The following FCHSD2 variants were observed in gnomAD, a reference collection of about 807,000 sequenced individuals.
The protein encoded by FCHSD2 is FCH and double SH3 domains 2, also known as F-BAR and double SH3 domains protein 2.
In FCHSD2, 38 loss-of-function variants were observed where a neutral mutation model predicts 108.1. That is an observed-to-expected ratio of 0.35 (90% CI 0.27 to 0.46). FCHSD2 has a LOEUF of 0.46. FCHSD2 is among the 20% of genes least tolerant of loss of function. The probability of loss-of-function intolerance (pLI) is 1.00; values close to 1 mark genes in which losing one functional copy is unlikely to be tolerated. For missense variants in FCHSD2, 751 were observed against 897.8 expected (o/e 0.84, Z 2.09); for synonymous variants, 279 against 314.7 (o/e 0.89, Z 1.20).
At position 72,891,048 on chromosome 11, in the gene FCHSD2, C is replaced by G. The variant is rs548216744; in HGVS notation, c.925-1103G>C. On this transcript the variant is annotated intron_variant, in intron 10 of 19. Transcript: ENST00000409418. ...TCTCCCACTTCAGCCTCCTGAGTAGCTGGAACTACAGGTGTGTGTCACCAT... is the reference window on the plus strand; with the variant it reads ...TCTCCCACTTCAGCCTCCTGAGTAGGTGGAACTACAGGTGTGTGTCACCAT... 1.4e-4 allele frequency among the ~76,000 whole-genome samples: 22 copies of G among 152,234 alleles called. No individual in the cohort carries two copies. In the South Asian group the frequency reaches 2.1e-3, roughly 14 times the overall value.
At chr11:73,067,489 G>A (rs1859324447) in intron 3 of FCHSD2, among the ~76,000 whole-genome samples, 1 of 151,124 alleles carries the variant, frequency 6.6e-6, no homozygotes, top group Non-Finnish European at 1.5e-5. Context: ...AAAAAAAAAA[G>A]AAAGAAAGAA....
intron 5 of FCHSD2, among the ~76,000 whole-genome samples, chr11:72,994,836 A>G (rs188403376): frequency 6.6e-6 from 1 of 152,330 alleles, no homozygotes; most frequent in East Asian, 1.9e-4. Context: ...AAAAGCTTTT[A>G]AAAAATTGAC....
At chr11:73,109,746 T>C (rs921857256) in intron 2 of FCHSD2, among the ~76,000 whole-genome samples, 10 of 152,166 alleles carry the variant, frequency 6.6e-5, no homozygotes, top group African/African-American at 2.4e-4. Flanking sequence ...TGAGTAACAG[T>C]AGTGACAGTG....
At chr11:73,131,634 G>A (rs1461579267) in intron 2 of FCHSD2, among the ~76,000 whole-genome samples, 1 of 151,520 alleles carries the variant, frequency 6.6e-6, no homozygotes, top group African/African-American at 2.4e-5. Flanking sequence ...AGTCTGGAAG[G>A]CAGAGGTTGC....
chr11:73,138,811 T>C (rs777915348), intron 2 of FCHSD2, among the ~76,000 whole-genome samples: 20 of 152,134 alleles, frequency 1.3e-4, no homozygotes, highest in African/African-American at 4.1e-4. Context: ...TTTTATCATG[T>C]TGGCCAGGCT....
At chr11:73,033,353 T>C (rs1428090626) in intron 3 of FCHSD2, among the ~76,000 whole-genome samples, 2 of 151,756 alleles carry the variant, frequency 1.3e-5, no homozygotes, top group East Asian at 3.9e-4. Flanking sequence ...ACTCTAGTCC[T>C]GTCCAAAGAT....
chr11:72,887,562 G>C lies in FCHSD2; in HGVS notation c.1054C>G (p.Leu352Val). 2 of 1,580,610 alleles carry C rather than the reference G, an allele frequency of 1.3e-6. No homozygotes were observed. The highest frequency in any genetic ancestry group is 1.7e-6 in the Non-Finnish European group (2 of 1,165,958). ...GATACAGCAGCTCCATGACACTCCA[G>C]ATCATTTAGAACCTATTAAAGAAAA... ...IVHQQRVLND[L>V]ECHGAAVSEQ... The change falls in exon 12 of 20, where the codon CTG becomes GTG. Residue 352 changes from leucine to valine, a missense_variant. By Grantham distance (32) the Leu-to-Val change is conservative. Transcript: ENST00000409418.
intron 3 of FCHSD2, among the ~76,000 whole-genome samples, chr11:73,031,490 G>A (rs951816103): frequency 1.3e-5 from 2 of 152,040 alleles, no homozygotes; most frequent in African/African-American, 4.8e-5. Flanking sequence ...AAGAGAGACA[G>A]AGAGAGAATA....
intron 3 of FCHSD2, among the ~76,000 whole-genome samples, chr11:73,064,518 A>T (rs1229991091): frequency 6.6e-6 from 1 of 152,144 alleles, no homozygotes; most frequent in African/African-American, 2.4e-5. Flanking sequence ...TTTTTTGAGA[A>T]GATCAACAAA....
intron 2 of FCHSD2, among the ~76,000 whole-genome samples, chr11:73,131,730 A>T (rs956727410): frequency 2.0e-5 from 3 of 151,988 alleles, no homozygotes; most frequent in Admixed American, 6.6e-5. Flanking sequence ...TAAAAAATTT[A>T]AAAAATAAGA....
intron 3 of FCHSD2, among the ~76,000 whole-genome samples, chr11:73,028,663 T>C (rs1279030849): frequency 6.6e-6 from 1 of 152,162 alleles, no homozygotes; most frequent in Non-Finnish European, 1.5e-5. Flanking sequence ...GGTGGAATGA[T>C]ATGGTTTGGC....
At chr11:72,911,792 C>T (rs1040770895) in intron 9 of FCHSD2, among the ~76,000 whole-genome samples, 1 of 152,214 alleles carries the variant, frequency 6.6e-6, no homozygotes, top group African/African-American at 2.4e-5. Context: ...TCCTGGCTCA[C>T]TGCAACCTCC....
chr11:72,892,062 G>A (rs1221661021), intron 10 of FCHSD2, among the ~76,000 whole-genome samples: 8 of 152,158 alleles, frequency 5.3e-5, no homozygotes, highest in Admixed American at 5.2e-4. Flanking sequence ...ATCTCAAAGA[G>A]AATGAATTTG....
intron 9 of FCHSD2, among the ~76,000 whole-genome samples, chr11:72,908,015 TC>T (rs1855671772): frequency 6.6e-6 from 1 of 152,096 alleles, no homozygotes. Flanking sequence ...CCATCCTGGC[TC>T]CCCCCACATC....
At chr11:72,972,087 T>C (rs1469954987) in intron 8 of FCHSD2, among the ~76,000 whole-genome samples, 1 of 152,184 alleles carries the variant, frequency 6.6e-6, no homozygotes, top group East Asian at 1.9e-4. Context: ...CTTTAAAATT[T>C]TCTTCTTATG....
At chr11:73,080,448 C>A (rs976854092) in intron 3 of FCHSD2, among the ~76,000 whole-genome samples, 1 of 151,622 alleles carries the variant, frequency 6.6e-6, no homozygotes, top group Non-Finnish European at 1.5e-5. Context: ...TATCTATGTG[C>A]ATATATGTAT....
chr11:73,078,103 T>C (rs1224229530), intron 3 of FCHSD2, among the ~76,000 whole-genome samples: 1 of 152,182 alleles, frequency 6.6e-6, no homozygotes, highest in Non-Finnish European at 1.5e-5. Context: ...TCTGTACGTA[T>C]ATGTCAATTT....
chr11:73,053,084 G>C (rs1160603757), intron 3 of FCHSD2, among the ~76,000 whole-genome samples: 1 of 149,330 alleles, frequency 6.7e-6, no homozygotes, highest in Non-Finnish European at 1.5e-5. Flanking sequence ...GGCCTCAAGT[G>C]ATCTGCCCAC....
intron 8 of FCHSD2, among the ~76,000 whole-genome samples, chr11:72,969,913 A>G (rs982877428): frequency 6.6e-6 from 1 of 152,216 alleles, no homozygotes; most frequent in Admixed American, 6.5e-5. Context: ...TTACAGGAAT[A>G]GGGGACTGGG....
Sources: allele counts gnomAD v4.1 joint callset (sites outside exome capture counted in the v4.1 genomes callset), GRCh38; gene constraint gnomAD v4.1.1; transcripts MANE v1.5; gene names NCBI Gene and HGNC (gene_info 2026-07-23, HGNC 2026-07-21).